Variants in PDGFRB observed in about 807,000 individuals in gnomAD.
The protein encoded by PDGFRB is platelet derived growth factor receptor beta, also known as platelet-derived growth factor receptor beta.
PDGFRB carries 42 observed loss-of-function variants against 120.2 expected under a neutral mutation model. The ratio of observed to expected loss-of-function variants is 0.35; its 90% confidence interval spans 0.27 to 0.45. The LOEUF is 0.45. PDGFRB is among the 20% of genes least tolerant of loss of function. The pLI, the probability that PDGFRB is intolerant of heterozygous loss-of-function variation, is 1.00. For synonymous variants in PDGFRB, 586 were observed against 606.8 expected (o/e 0.97, Z 0.50); for missense variants, 1,149 against 1,476.3 (o/e 0.78, Z 3.63).
At chr5:150,148,368 G>C (rs1456446664) in intron 1 of PDGFRB, among the ~76,000 whole-genome samples, 1 of 152,254 alleles carries the variant, frequency 6.6e-6, no homozygotes, top group East Asian at 1.9e-4. Context: ...TGTAGGGTCA[G>C]CTCTTCAGTC....
chr5:150,129,958 C>T lies in PDGFRB; in HGVS notation c.1378G>A (p.Glu460Lys), dbSNP rs202179598. ...TTCCCCAGCAGCGTGGGCGGCAGCT[C>T]ACGTGGACACCTGCCAGGAGAGCCG... ...ACRDLKRCPR[E>K]LPPTLLGNSS... Residue 460 changes from glutamate (E) to lysine (K), a missense_variant, in exon 10 of 23, where the codon GAG (glutamate) becomes AAG (lysine). By Grantham distance (56) the Glu-to-Lys change is moderately conservative (BLOSUM62 1). Around this residue, in one of 3 missense-constraint regions of PDGFRB, gnomAD observed 879 missense variants for 1,108.6 expected, o/e 0.79. Coordinates refer to ENST00000261799, the MANE Select transcript of PDGFRB (RefSeq NM_002609.4). 1.7e-5 allele frequency: 28 copies of T among 1,613,610 alleles called. No homozygotes were observed. In the East Asian group the frequency reaches 6.2e-4, roughly 36 times the overall value.
intron 20 of PDGFRB, 104 bp downstream of exon 20, chr5:150,119,363 G>A: frequency 2.7e-6 from 2 of 746,708 alleles, no homozygotes; most frequent in Middle Eastern, 2.4e-4. Flanking sequence ...AGGCTTTCTA[G>A]ATCTCTGAGC....
rs1171840579 is a variant in PDGFRB at position 150,155,570 on chromosome 5, G to C, written c.-180C>G. 2.5e-6 allele frequency: 1 copy of C among 398,682 alleles called. No homozygotes were observed. Among genetic ancestry groups the C allele is most frequent in the African/African-American group, 2.1e-5 (1 of 48,612 alleles). 24.7% of individuals were successfully genotyped at this position (398,682 alleles called of 1,614,324 possible). On this transcript the variant is annotated 5_prime_UTR_variant, in exon 1 of 23. Coordinates refer to ENST00000261799, the MANE Select transcript of PDGFRB (RefSeq NM_002609.4). ...CTGGTGCAGGCTCCTGAAGGCTCAG[G>C]AGAACAGAGGGATGGAGGAAGGGGG...
rs1373100098 is a variant in PDGFRB, at chr5:150,115,629, G to A, written c.*134C>T. 13 of 812,420 alleles carry A rather than the reference G, an allele frequency of 1.6e-5. No homozygotes were observed. The highest frequency in any genetic ancestry group is 2.4e-5 in the Non-Finnish European group (13 of 550,304). The allele number at this position is 812,420 out of a possible 1,614,324, so 50.3% of individuals were successfully genotyped here. ...CAGGGTTTGGGGCACAACACGTCAGGAGCAGAAAGCTTCCAGAAGGGGACA... is the reference window on the plus strand; with the variant it reads ...CAGGGTTTGGGGCACAACACGTCAGAAGCAGAAAGCTTCCAGAAGGGGACA... On this transcript the variant is annotated 3_prime_UTR_variant, in exon 23 of 23. Transcript: ENST00000261799.
intron 15 of PDGFRB, 72 bp downstream of exon 15, chr5:150,122,970 G>A (rs2113892621): frequency 7.3e-7 from 1 of 1,366,802 alleles, no homozygotes; most frequent in East Asian, 2.3e-5. Context: ...TCCCCTCCTG[G>A]ACAAAAGGAG....
Position 150,133,911 on chromosome 5 carries a change from G to A in PDGFRB, c.729C>T (p.Val243=), listed in dbSNP as rs758566697. The A allele has an allele frequency of 5.0e-6, 8 of 1,614,054 alleles. No homozygotes were observed. In the Admixed American group the frequency reaches 1.3e-4, roughly 27 times the overall value. The change falls in exon 5 of 23, where the codon GTC becomes GTT. Residue 243 remains valine, a synonymous_variant. Transcript: ENST00000261799. ...LMCIVIGNEV[V]NFEWTYPRKE... is the part of the protein sequence containing the mutation. ...TGCGGGGGTATGTCCACTCGAAGTT[G>A]ACCACCTCATTCCCGATCACAATGC...
intron 1 of PDGFRB, among the ~76,000 whole-genome samples, chr5:150,143,446 G>A (rs1401732410): frequency 6.6e-6 from 1 of 152,198 alleles, no homozygotes; most frequent in Non-Finnish European, 1.5e-5. Context: ...TGGAATGCTG[G>A]GCTCGGGGTG....
rs1304440913 is a variant in PDGFRB, at chr5:150,118,864, G to A, written c.2799-12C>T. 9 of 1,567,440 alleles carry A rather than the reference G, an allele frequency of 5.7e-6. No individual in the cohort carries two copies. The highest frequency in any genetic ancestry group is 1.7e-5 in the Admixed American group (1 of 59,466). ...GCATGATCTCATAGCTGGGGATAGGGAGAAGGGTCAGGGCCTCTGGCCCAG... is the reference window on the plus strand; with the variant it reads ...GCATGATCTCATAGCTGGGGATAGGAAGAAGGGTCAGGGCCTCTGGCCCAG... On this transcript the variant is annotated splice_polypyrimidine_tract_variant and intron_variant, in intron 20 of 22. Transcript: ENST00000261799.
chr5:150,154,521 G>GT (rs1761176406), intron 1 of PDGFRB, among the ~76,000 whole-genome samples: 2 of 152,360 alleles, frequency 1.3e-5, no homozygotes, highest in South Asian at 2.1e-4. Flanking sequence ...GCGGCGTGCA[G>GT]TAAGTGTCAA....
At chr5:150,135,523 A>C in intron 3 of PDGFRB, 32 bp downstream of exon 3, 1 of 1,385,068 alleles carries the variant, frequency 7.2e-7, no homozygotes, top group Non-Finnish European at 1.0e-6. Flanking sequence ...CAAGAGGGGT[A>C]AGGAGTGGGC....
chr5:150,145,913 A>G (rs1347234709), intron 1 of PDGFRB, among the ~76,000 whole-genome samples: 1 of 152,208 alleles, frequency 6.6e-6, no homozygotes, highest in Non-Finnish European at 1.5e-5. Flanking sequence ...CGTCAGCCTT[A>G]TCTTTTCGCC....
Position 150,151,943 on chromosome 5 carries a change from TA to T in PDGFRB, c.-7+3453del, listed in dbSNP as rs531021830. ...GTGACGGTTTATTTATTTATTTATTTATTTTTTTTGAGACAGTCTTGCCCTG... is the reference window on the plus strand; with the variant it reads ...GTGACGGTTTATTTATTTATTTATTTTTTTTTTTGAGACAGTCTTGCCCTG... On this transcript the variant is annotated intron_variant, in intron 1 of 22. Coordinates refer to ENST00000261799, the MANE Select transcript of PDGFRB (RefSeq NM_002609.4). Among the ~76,000 whole-genome samples, 1,026 of 152,060 alleles carry T rather than the reference TA, an allele frequency of 6.7e-3. 15 individuals carry two copies. Among genetic ancestry groups the T allele is most frequent in the African/African-American group, 0.024 (999 of 41,406 alleles).
intron 12 of PDGFRB, among the ~76,000 whole-genome samples, chr5:150,125,146 C>T (rs1159655563): frequency 1.3e-5 from 2 of 152,152 alleles, no homozygotes; most frequent in Non-Finnish European, 2.9e-5. Flanking sequence ...CTTCTCTGTA[C>T]CTCCTCAGCT....
chr5:150,136,626 G>A (rs1036563090), intron 2 of PDGFRB, among the ~76,000 whole-genome samples: 2 of 152,164 alleles, frequency 1.3e-5, no homozygotes, highest in African/African-American at 4.8e-5. Flanking sequence ...AGGAGTGAGG[G>A]GTGGGGTGTG....
At chr5:150,117,518 AAACCTGG>A in intron 22 of PDGFRB, 93 bp downstream of exon 22, 4 of 696,880 alleles carry the variant, frequency 5.7e-6, no homozygotes, top group Non-Finnish European at 7.5e-6. Flanking sequence ...CCTCTGAGGC[AAACCTGG>A]CAGCGCGCGC....
chr5:150,124,492 C>T, intron 13 of PDGFRB, 132 bp from the exon 14 acceptor site: 1 of 685,996 alleles, frequency 1.5e-6, no homozygotes, highest in Non-Finnish European at 2.5e-6. Context: ...GGGGTGAGCA[C>T]CCACACTCTG....
intron 15 of PDGFRB, chr5:150,122,296 G>T (rs1286380245): frequency 2.2e-6 from 1 of 461,664 alleles, no homozygotes; most frequent in South Asian, 2.7e-5. Context: ...CAGGGCAAAG[G>T]TCACAAGACG....
intron 1 of PDGFRB, among the ~76,000 whole-genome samples, chr5:150,150,927 C>G (rs1254670759): frequency 6.6e-6 from 1 of 152,186 alleles, no homozygotes; most frequent in Non-Finnish European, 1.5e-5. Flanking sequence ...CCTAGTGGGC[C>G]TTCCTCCCCG....
In PDGFRB at chr5:150,117,885, G is replaced by A. The variant is rs528052296; in HGVS notation, c.2905-35C>T. 2.7e-5 allele frequency: 35 copies of A among 1,289,940 alleles called. No individual in the cohort carries two copies. The South Asian group carries it at 3.8e-4, about 14-fold the overall frequency. The allele number at this position is 1,289,940 out of a possible 1,614,324, so 79.9% of individuals were successfully genotyped here. ...GGGCAGGGAGAACCAAAGAAACAGG[G>A]ATGGTCAGGCCAGAAATGCCTTCAG... On this transcript the variant is annotated intron_variant, in intron 21 of 22. Transcript: ENST00000261799.
Sources: gnomAD v4.1 joint callset for allele counts (sites outside exome capture counted in the v4.1 genomes callset) on GRCh38, gnomAD v4.1.1 for gene constraint, gnomAD v4.1.1 regional missense constraint, MANE v1.5 for transcripts, NCBI Gene and HGNC (gene_info 2026-07-23, HGNC 2026-07-21) for gene names.